The following PPM1B variants were observed in gnomAD, a reference collection of about 807,000 sequenced individuals.
PPM1B encodes protein phosphatase, Mg2+/Mn2+ dependent 1B.
A neutral mutation model predicts 43.0 loss-of-function variants in PPM1B; 22 were observed. The ratio of observed to expected loss-of-function variants is 0.51; its 90% CI spans 0.37 to 0.73. PPM1B has a LOEUF of 0.73. Ranked by LOEUF, PPM1B falls within the 30% of genes least tolerant of loss-of-function variation. PPM1B has a pLI of 0.00. For missense variants in PPM1B, 632 were observed against 584.2 expected, an observed-to-expected ratio of 1.08 and a Z score of -0.84; for synonymous variants, 217 against 197.9, an observed-to-expected ratio of 1.10 and a Z score of -0.81.
intron 1 of PPM1B, among the ~76,000 whole-genome samples, chr2:44,175,234 A>G (rs1359564515): frequency 6.6e-6 from 1 of 152,156 alleles, no homozygotes; most frequent in Admixed American, 6.6e-5. Context: ...AGCCTGGGCA[A>G]AAGTGAGACT....
intron 1 of PPM1B, among the ~76,000 whole-genome samples, chr2:44,177,544 G>C (rs143526504): frequency 0.012 from 1,748 of 150,824 alleles, 41 homozygotes; most frequent in African/African-American, 0.04. Context: ...TCAGCCTCGT[G>C]AGTAGCTGAG....
At chr2:44,218,858 T>C in intron 5 of PPM1B, 3 of 465,794 alleles carry the variant, frequency 6.4e-6, no homozygotes, top group South Asian at 1.6e-5. Flanking sequence ...AAGAATGCTC[T>C]TTTAAATATC....
chr2:44,228,912 GTA>G (rs1670345932), intron 5 of PPM1B, among the ~76,000 whole-genome samples: 1 of 152,098 alleles, frequency 6.6e-6, no homozygotes, highest in Non-Finnish European at 1.5e-5. Flanking sequence ...GCCAGGCACG[GTA>G]GCTCACACCT....
rs778511572 is a variant in PPM1B at position 44,169,150 on chromosome 2, C to CGGAGGCGGT, written c.-137_-136insAGGCGGTGG. 132 of 173,462 alleles carry CGGAGGCGGT rather than the reference C, an allele frequency of 7.6e-4. No homozygotes were observed. Among genetic ancestry groups the CGGAGGCGGT allele is most frequent in the South Asian group, 1.2e-3 (13 of 10,902 alleles). The allele number at this position is 173,462 out of a possible 1,614,324, so 10.7% of individuals were successfully genotyped here. On this transcript the variant is annotated 5_prime_UTR_variant, in exon 1 of 6. Transcript: ENST00000282412. ...GCGGTGTAAACAGCCCCGGAGGCGG[C>CGGAGGCGGT]GGTCGAGACCCCGAGGGGGAAGCGG...
intron 5 of PPM1B, among the ~76,000 whole-genome samples, chr2:44,225,708 A>G (rs1670177438): frequency 6.6e-6 from 1 of 151,994 alleles, no homozygotes; most frequent in Non-Finnish European, 1.5e-5. Flanking sequence ...CGAGGCTGTA[A>G]TGCAGTGGTG....
At position 44,231,279 on chromosome 2, in the gene PPM1B, G is replaced by A. The variant is rs910858139; in HGVS notation, c.*561G>A. On this transcript the variant is annotated 3_prime_UTR_variant, in exon 6 of 6. Coordinates refer to ENST00000282412, the MANE Select transcript of PPM1B (RefSeq NM_002706.6). ...TTTTAGAAGTTGTGAGATATTGGAT[G>A]TGTGGCTATTTTTCCTTTCTCTGTA... 69 of 977,248 alleles carry A rather than the reference G, an allele frequency of 7.1e-5. No homozygotes were observed. The highest frequency in any genetic ancestry group is 7.8e-5 in the Non-Finnish European group (64 of 822,622). The allele number at this position is 977,248 out of a possible 1,614,324, so 60.5% of individuals were successfully genotyped here. A position where few individuals can be genotyped will look rare whatever the true frequency, so the allele number is the denominator to read the frequency against.
intron 3 of PPM1B, among the ~76,000 whole-genome samples, chr2:44,210,981 C>A (rs935414681): frequency 5.3e-5 from 8 of 151,904 alleles, no homozygotes; most frequent in Non-Finnish European, 1.0e-4. Context: ...ACTAAAAATA[C>A]AAAAATTAGT....
intron 5 of PPM1B, 164 bp from the exon 6 acceptor site, chr2:44,230,249 T>TGA (rs1340681384): frequency 7.0e-7 from 1 of 1,430,250 alleles, no homozygotes; most frequent in Non-Finnish European, 9.2e-7. Flanking sequence ...TTGGAAGTTT[T>TGA]TATTAATTGA....
At chr2:44,196,865 A>G (rs1668685827) in intron 1 of PPM1B, among the ~76,000 whole-genome samples, 1 of 152,188 alleles carries the variant, frequency 6.6e-6, no homozygotes, top group Admixed American at 6.5e-5. Context: ...ATTATTATAT[A>G]ATCTTGGTAT....
At chr2:44,210,538 A>C (rs984558003) in intron 3 of PPM1B, among the ~76,000 whole-genome samples, 1 of 152,138 alleles carries the variant, frequency 6.6e-6, no homozygotes, top group African/African-American at 2.4e-5. Flanking sequence ...TTAAACATAC[A>C]GAAAAGTTGC....
intron 1 of PPM1B, among the ~76,000 whole-genome samples, chr2:44,187,526 A>G (rs1290876235): frequency 1.3e-5 from 2 of 152,166 alleles, no homozygotes; most frequent in African/African-American, 4.8e-5. Context: ...GTTTCTTTTA[A>G]TTCTTGGCCA....
intron 2 of PPM1B, among the ~76,000 whole-genome samples, chr2:44,202,977 A>G (rs1669009425): frequency 6.6e-6 from 1 of 152,166 alleles, no homozygotes. Flanking sequence ...ACCTTTAGTT[A>G]CATGAAATAA....
At chr2:44,216,545 T>G (rs1280051595) in intron 3 of PPM1B, among the ~76,000 whole-genome samples, 1 of 152,172 alleles carries the variant, frequency 6.6e-6, no homozygotes, top group African/African-American at 2.4e-5. Context: ...GTCATGCATA[T>G]GGGAGTGTAT....
chr2:44,234,361 A>C (rs146522385), downstream of PPM1B: 13 of 536,318 alleles, frequency 2.4e-5, no homozygotes, highest in South Asian at 1.6e-4. Context: ...TCTACTAAAA[A>C]TACAAAGATT....
intron 1 of PPM1B, among the ~76,000 whole-genome samples, chr2:44,190,091 A>G (rs1048434778): frequency 5.3e-5 from 8 of 151,702 alleles, no homozygotes; most frequent in African/African-American, 1.9e-4. Flanking sequence ...ACAGATCATT[A>G]TTTGATACTA....
In PPM1B at chr2:44,230,400, ATCTT is replaced by A; in HGVS notation, c.1135-12_1135-9del. On this transcript the variant is annotated splice_polypyrimidine_tract_variant and intron_variant, in intron 5 of 5. Coordinates refer to ENST00000282412, the MANE Select transcript of PPM1B (RefSeq NM_002706.6). ...TTGTCTACTGACACTGGGGTCTTGAATCTTAAAAAAAGGCCTCCGATGAAGCAGA... is the reference window on the plus strand; with the variant it reads ...TTGTCTACTGACACTGGGGTCTTGAAAAAAAAAGGCCTCCGATGAAGCAGA... 1 of 1,611,950 alleles carries A rather than the reference ATCTT, an allele frequency of 6.2e-7. No homozygotes were observed.
chr2:44,193,955 C>A (rs1572704706), intron 1 of PPM1B, among the ~76,000 whole-genome samples: 1 of 152,252 alleles, frequency 6.6e-6, no homozygotes, highest in Middle Eastern at 3.4e-3. Flanking sequence ...CTCAAGCAAT[C>A]CTCCTACCTT....
In PPM1B at chr2:44,218,166, C is replaced by G. The variant is rs1669812424; in HGVS notation, c.1076+88C>G. 4 of 972,788 alleles carry G rather than the reference C, an allele frequency of 4.1e-6. No individual in the cohort carries two copies. In the East Asian group the frequency reaches 9.9e-5, roughly 24 times the overall value. 60.3% of individuals were successfully genotyped at this position (972,788 alleles called of 1,614,324 possible). A position where few individuals can be genotyped will look rare whatever the true frequency, so the allele number is the denominator to read the frequency against. ...AAAAAAACTTAAATCAGAAGTACAT[C>G]AATTATCTAGAGGTGAAATGGGTTA... On this transcript the variant is annotated intron_variant, in intron 4 of 5. Coordinates refer to ENST00000282412, the MANE Select transcript of PPM1B (RefSeq NM_002706.6).
chr2:44,209,431 CAAA>C (rs61189208), intron 3 of PPM1B, 104 bp downstream of exon 3: 11 of 889,816 alleles, frequency 1.2e-5, no homozygotes, highest in South Asian at 2.7e-5. Context: ...GGCTCTGTCT[CAAA>C]AAAAAAAAAA....
Sources: gnomAD v4.1 joint callset for allele counts (sites outside exome capture counted in the v4.1 genomes callset) on GRCh38, gnomAD v4.1.1 for gene constraint, MANE v1.5 for transcripts, NCBI Gene and HGNC (gene_info 2026-07-23, HGNC 2026-07-21) for gene names.